Variants in SUPT3H observed in about 807,000 individuals in gnomAD.
The protein encoded by SUPT3H is SPT3 homolog, SAGA and STAGA complex component.
SUPT3H carries 44 observed loss-of-function variants against 44.3 expected under a neutral mutation model. The ratio of observed to expected loss-of-function variants is 0.99; its 90% CI spans 0.78 to 1.28. SUPT3H has a LOEUF of 1.28. Ranked by LOEUF, SUPT3H falls within the 50% of genes most tolerant of loss-of-function variation. SUPT3H has a pLI of 0.00. For missense variants in SUPT3H, 380 were observed against 387.1 expected (o/e 0.98, Z 0.15); for synonymous variants, 124 against 125.6 (o/e 0.99, Z 0.09).
chr6:44,926,050 CAGAAT>C (rs1270020158), intron 10 of SUPT3H, among the ~76,000 whole-genome samples: 1 of 151,854 alleles, frequency 6.6e-6, no homozygotes, highest in Non-Finnish European at 1.5e-5. Flanking sequence ...GAAAATAATA[CAGAAT>C]AGAAAACAGA....
intron 10 of SUPT3H, among the ~76,000 whole-genome samples, chr6:44,924,735 G>A (rs1769263929): frequency 6.6e-6 from 1 of 152,038 alleles, no homozygotes; most frequent in African/African-American, 2.4e-5. Flanking sequence ...TATGCTACAT[G>A]TTAATTTTTT....
rs540000736 is a variant in SUPT3H at position 45,240,170 on chromosome 6, A to C, written c.101+125031T>G. 9.8e-5 allele frequency among the ~76,000 whole-genome samples: 15 copies of C among 152,328 alleles called. No individual in the cohort carries two copies. In the East Asian group the frequency reaches 2.9e-3, roughly 29 times the overall value. On this transcript the variant is annotated intron_variant, in intron 2 of 10. Coordinates refer to ENST00000371459, the MANE Select transcript of SUPT3H (RefSeq NM_003599.4). ...CTTATCATGAGCCAGATGCCAAAGA[A>C]GACATTCTAGCAGGATTGCGAGGAC...
Position 44,810,527 on chromosome 6 carries a change from G to A in SUPT3H, c.*53-1026C>T, listed in dbSNP as rs144199857. On this transcript the variant is annotated intron_variant and NMD_transcript_variant, in intron 11 of 11. Transcript: ENST00000475057. ...TAAGTTACAGGATATTAAAGAGGGA[G>A]TGTGACTCAGAGAAAAGAGGAAAAA... Among the ~76,000 whole-genome samples, 7 of 151,850 alleles carry A rather than the reference G, an allele frequency of 4.6e-5. No individual in the cohort carries two copies. The South Asian group carries it at 1.5e-3, about 32-fold the overall frequency.
intron 2 of SUPT3H, among the ~76,000 whole-genome samples, chr6:45,284,830 A>T (rs529592363): frequency 6.6e-6 from 1 of 152,322 alleles, no homozygotes; most frequent in Non-Finnish European, 1.5e-5. Context: ...ATGAACATCG[A>T]TACAAAAATA....
chr6:45,354,512 T>C (rs997394910), intron 2 of SUPT3H, among the ~76,000 whole-genome samples: 6 of 151,862 alleles, frequency 4.0e-5, no homozygotes, highest in African/African-American at 1.5e-4. Context: ...TCATTACTTC[T>C]ACTGCCGCTG....
chr6:44,968,918 CTTTGT>C (rs1777160265), intron 6 of SUPT3H, among the ~76,000 whole-genome samples: 1 of 152,134 alleles, frequency 6.6e-6, no homozygotes, highest in South Asian at 2.1e-4. Context: ...CAAATTTATT[CTTTGT>C]TTTTAGTTAG....
At chr6:45,100,197 G>A (rs1798353940) in intron 3 of SUPT3H, among the ~76,000 whole-genome samples, 1 of 151,972 alleles carries the variant, frequency 6.6e-6, no homozygotes, top group Admixed American at 6.6e-5. Context: ...TTCATGAAAT[G>A]GAACTCAAAA....
intron 10 of SUPT3H, among the ~76,000 whole-genome samples, chr6:44,858,068 C>CA (rs1774035636): frequency 6.6e-6 from 1 of 152,152 alleles, no homozygotes; most frequent in South Asian, 2.1e-4. Context: ...ATCATTAAGA[C>CA]AAAATCAGGC....
At chr6:44,993,214 T>G (rs1401237379) in intron 6 of SUPT3H, among the ~76,000 whole-genome samples, 1 of 152,046 alleles carries the variant, frequency 6.6e-6, no homozygotes, top group African/African-American at 2.4e-5. Flanking sequence ...CACTCTAGTT[T>G]CACACCTGTA....
chr6:45,229,555 T>G (rs1767576690), intron 2 of SUPT3H, among the ~76,000 whole-genome samples: 1 of 152,204 alleles, frequency 6.6e-6, no homozygotes. Context: ...CAGATTATCT[T>G]GCTGATACAA....
chr6:45,322,811 A>G (rs575247555), intron 2 of SUPT3H: 37 of 1,276,014 alleles, frequency 2.9e-5, no homozygotes, highest in Non-Finnish European at 4.2e-5. Flanking sequence ...TATTTTGGCA[A>G]GATGCACTTT....
intron 2 of SUPT3H, among the ~76,000 whole-genome samples, chr6:45,323,715 A>C (rs1019268576): frequency 6.6e-6 from 1 of 152,074 alleles, no homozygotes; most frequent in Admixed American, 6.6e-5. Flanking sequence ...AAAGAGTTCA[A>C]TTGAAAGAGA....
At chr6:44,888,940 AT>A (rs1561970728) in intron 10 of SUPT3H, among the ~76,000 whole-genome samples, 2 of 90,438 alleles carry the variant, frequency 2.2e-5, no homozygotes, top group Non-Finnish European at 4.5e-5. Flanking sequence ...AAATCAATGT[AT>A]AAAAATCACA....
chr6:45,219,099 T>G (rs527992771), intron 2 of SUPT3H, among the ~76,000 whole-genome samples: 1 of 151,866 alleles, frequency 6.6e-6, no homozygotes, highest in Admixed American at 6.6e-5. Context: ...TTGATGCAGC[T>G]AAAATCAAGA....
intron 2 of SUPT3H, among the ~76,000 whole-genome samples, chr6:45,210,224 A>C (rs1763866231): frequency 6.6e-6 from 1 of 152,194 alleles, no homozygotes; most frequent in African/African-American, 2.4e-5. Flanking sequence ...TTCCTAAATA[A>C]GACAGCTACA....
intron 3 of SUPT3H, among the ~76,000 whole-genome samples, chr6:45,060,860 C>T (rs1320470599): frequency 1.3e-5 from 2 of 152,196 alleles, no homozygotes; most frequent in Non-Finnish European, 2.9e-5. Flanking sequence ...ATCAACATCA[C>T]TGATCATTAG....
At chr6:45,236,378 G>C (rs1044959987) in intron 2 of SUPT3H, among the ~76,000 whole-genome samples, 1 of 152,024 alleles carries the variant, frequency 6.6e-6, no homozygotes, top group African/African-American at 2.4e-5. Flanking sequence ...GAAGCATCAG[G>C]GTAACAATGG....
chr6:45,077,648 G>GGAA (rs1554233660), intron 3 of SUPT3H, among the ~76,000 whole-genome samples: 9 of 105,734 alleles, frequency 8.5e-5, no homozygotes, highest in South Asian at 5.9e-4. Context: ...AAAAAGAAAA[G>GGAA]AAAAAAAAAA....
chr6:44,990,183 A>T (rs937331726), intron 6 of SUPT3H, among the ~76,000 whole-genome samples: 1 of 149,626 alleles, frequency 6.7e-6, no homozygotes, highest in Admixed American at 6.7e-5. Context: ...ATTCAATTTC[A>T]TTTTTTTTTC....
Sources: allele counts gnomAD v4.1 joint callset (sites outside exome capture counted in the v4.1 genomes callset), GRCh38; gene constraint gnomAD v4.1.1; transcripts MANE v1.5; gene names NCBI Gene and HGNC (gene_info 2026-07-23, HGNC 2026-07-21).